Variants in USP3 observed in about 807,000 individuals in gnomAD.
USP3 encodes the protein ubiquitin carboxyl-terminal hydrolase 3.
Under a neutral mutation model 72.3 loss-of-function variants are expected in USP3, and 20 were observed. The observed-to-expected ratio is 0.28, with a 90% confidence interval of 0.19 to 0.40. The LOEUF (loss-of-function observed/expected upper bound fraction) is 0.40. Ranked by LOEUF, USP3 falls within the 10% of genes least tolerant of loss-of-function variation. The probability of loss-of-function intolerance (pLI) is 1.00; values close to 1 mark genes in which losing one functional copy is unlikely to be tolerated. For missense variants in USP3, 479 were observed against 633.9 expected, an observed-to-expected ratio of 0.76 and a Z score of 2.62; for synonymous variants, 222 against 225.3, an observed-to-expected ratio of 0.99 and a Z score of 0.13.
rs189620550 is a variant in USP3, at chr15:63,549,465, C to T, written c.285-4250C>T. The stretch of plus-strand genomic sequence containing the variant: ...ACTTGTGAAAACTTCTTATTATCAA[C>T]GTCAAATTCAGAGGGGCATCATATA... On this transcript the variant is annotated intron_variant, in intron 3 of 14. Coordinates refer to ENST00000380324, the MANE Select transcript of USP3 (RefSeq NM_006537.4). 3.9e-4 allele frequency among the ~76,000 whole-genome samples: 59 copies of T among 152,244 alleles called. 1 individual carries two copies. In the East Asian group the frequency reaches 0.01, roughly 26 times the overall value.
At chr15:63,581,393 G>A (rs1401092216) in intron 11 of USP3, among the ~76,000 whole-genome samples, 2 of 100,680 alleles carry the variant, frequency 2.0e-5, no homozygotes, top group Admixed American at 1.0e-4. Flanking sequence ...GTGTGTGTGT[G>A]TGTGTGTTTA....
At position 63,559,953 on chromosome 15, in the gene USP3, C is replaced by T. The variant is rs748929503; in HGVS notation, c.630C>T (p.Ser210=). The T allele has an allele frequency of 6.2e-7, 1 of 1,613,620 alleles. No homozygotes were observed. Among genetic ancestry groups the T allele is most frequent in the African/African-American group, 1.3e-5 (1 of 74,882 alleles). Residue 210 remains serine, a synonymous_variant, in exon 7 of 15, where the codon AGC becomes AGT. Transcript: ENST00000380324. ...TAGRRTYHTR[S]QGDNNVSLVE... ...GAAGGCGGACATACCACACCAGGAGCCAAGGGGATAACAATGTGTGAGTTA... is the reference window on the plus strand; with the variant it reads ...GAAGGCGGACATACCACACCAGGAGTCAAGGGGATAACAATGTGTGAGTTA...
At position 63,562,913 on chromosome 15, in the gene USP3, T is replaced by C. The variant is rs745509905; in HGVS notation, c.666T>C (p.Phe222=). Reference sequence around the variant, plus strand: ...TTTGCAGGTCTTTGGTAGAAGAGTTTAGAAAGACACTCTGTGCTTTATGGC... The same window carrying C: ...TTTGCAGGTCTTTGGTAGAAGAGTTCAGAAAGACACTCTGTGCTTTATGGC... ...GDNNVSLVEE[F]RKTLCALWQG... The change falls in exon 8 of 15, where the codon TTT becomes TTC. Residue 222 remains phenylalanine (F), a synonymous_variant. Transcript: ENST00000380324. The C allele has an allele frequency of 1.9e-6, 3 of 1,610,716 alleles. No homozygotes were observed. The highest frequency in any genetic ancestry group is 1.3e-5 in the African/African-American group (1 of 74,810).
rs1471791639 is a variant in USP3, at chr15:63,574,028, TGTG to T, written c.909-14_909-12del. On this transcript the variant is annotated splice_polypyrimidine_tract_variant and intron_variant, in intron 9 of 14. Transcript: ENST00000380324. This position sits in a 1 kb window ranked among gnomAD's most constrained non-coding sequence, Gnocchi z 4.6. ...GGCTTCTTACTGAGATATTTTCCTG[TGTG>T]GTGATTTTGTTTAGAAATGGAGCAT... The T allele has an allele frequency of 4.0e-6, 6 of 1,518,984 alleles. No homozygotes were observed. The African/African-American group carries it at 8.3e-5, about 21-fold the overall frequency. The allele number at this position is 1,518,984 out of a possible 1,614,324, so 94.1% of individuals were successfully genotyped here. A position where few individuals can be genotyped will look rare whatever the true frequency, so the allele number is the denominator to read the frequency against.
chr15:63,564,322 G>T (rs551258742), intron 8 of USP3, among the ~76,000 whole-genome samples: 6 of 152,076 alleles, frequency 3.9e-5, no homozygotes, highest in African/African-American at 1.4e-4. Context: ...GAGGAGAAGC[G>T]ACTTGTTTAA....
At chr15:63,586,838 T>TGAG (rs2067075157) in intron 11 of USP3, 1 of 151,994 alleles carries the variant, frequency 6.6e-6, no homozygotes. Flanking sequence ...CTCAAAGAAG[T>TGAG]GAGAATTGAA....
intron 2 of USP3, among the ~76,000 whole-genome samples, 159 bp from the exon 3 acceptor site, chr15:63,536,866 G>A (rs1317582120): frequency 6.6e-5 from 10 of 151,528 alleles, no homozygotes; most frequent in African/African-American, 2.2e-4. Flanking sequence ...AAAAAAAAAA[G>A]AGCATATTTT....
At chr15:63,512,353 C>CTCTTCTTCT (rs751934853) in intron 1 of USP3, among the ~76,000 whole-genome samples, 1 of 44,988 alleles carries the variant, frequency 2.2e-5, no homozygotes, top group African/African-American at 6.4e-5. Flanking sequence ...CCTCCTCTTC[C>CTCTTCTTCT]TCTTCTTCTT....
intron 1 of USP3, among the ~76,000 whole-genome samples, chr15:63,527,071 A>C (rs1174904480): frequency 6.6e-6 from 1 of 151,896 alleles, no homozygotes; most frequent in Non-Finnish European, 1.5e-5. Context: ...ATCTTTTTTT[A>C]TTTTTAGTAG....
In USP3 at chr15:63,532,633, T is replaced by C. The variant is rs1306037646; in HGVS notation, c.92-14T>C. ...TGATGCAATTGGTATATTGTGTATT[T>C]TTCTTTTTATTAGTGTGCCGGTCCA... is the stretch of plus-strand genomic sequence containing the variant. On this transcript the variant is annotated splice_polypyrimidine_tract_variant and intron_variant, in intron 1 of 14. Coordinates refer to ENST00000380324, the MANE Select transcript of USP3 (RefSeq NM_006537.4). 10 of 1,613,828 alleles carry C rather than the reference T, an allele frequency of 6.2e-6. No individual in the cohort carries two copies. Among genetic ancestry groups the C allele is most frequent in the Non-Finnish European group, 8.5e-6 (10 of 1,179,874 alleles).
chr15:63,567,341 AT>A (rs1276442905), intron 8 of USP3, among the ~76,000 whole-genome samples: 12,164 of 118,988 alleles, frequency 0.1, 487 homozygotes, highest in Non-Finnish European at 0.13. Flanking sequence ...TGCCTGGCTA[AT>A]TTTTTTTTTT....
intron 7 of USP3, among the ~76,000 whole-genome samples, chr15:63,562,606 C>G (rs1247687250): frequency 6.6e-6 from 1 of 152,074 alleles, no homozygotes; most frequent in African/African-American, 2.4e-5. Context: ...TATAACTCAC[C>G]CAGTGCTGTA....
At chr15:63,534,993 G>A (rs1595722358) in intron 2 of USP3, among the ~76,000 whole-genome samples, 1 of 152,172 alleles carries the variant, frequency 6.6e-6, no homozygotes, top group East Asian at 1.9e-4. Context: ...GTGGAGTGGG[G>A]TGATCTCGGC....
At chr15:63,525,422 C>G (rs1397228660) in intron 1 of USP3, among the ~76,000 whole-genome samples, 1 of 152,186 alleles carries the variant, frequency 6.6e-6, no homozygotes, top group African/African-American at 2.4e-5. Context: ...GGAACCTAAC[C>G]ATCCTCTTTC....
At chr15:63,537,210 C>T in intron 3 of USP3, 54 bp downstream of exon 3, 1 of 1,557,656 alleles carries the variant, frequency 6.4e-7, no homozygotes. Flanking sequence ...AGTGTGCTCT[C>T]CTCCCCTCCC....
At chr15:63,547,997 A>G (rs959032642) in intron 3 of USP3, among the ~76,000 whole-genome samples, 1 of 148,150 alleles carries the variant, frequency 6.7e-6, no homozygotes, top group African/African-American at 2.5e-5. Context: ...TGCAGTCCCA[A>G]CTACTTGGGA....
chr15:63,533,710 A>G (rs2066112155), intron 2 of USP3: 1 of 411,288 alleles, frequency 2.4e-6, no homozygotes, highest in South Asian at 2.2e-5. Context: ...GAGTCCTGGA[A>G]TTGAGTATTT....
chr15:63,516,115 T>G lies in USP3; in HGVS notation c.91+11285T>G, dbSNP rs554026167. ...TTTTCTTTCTTGTCCAACATTTTAT[T>G]TTTTCTTGAGTCAATAATTGCCTCT... On this transcript the variant is annotated intron_variant, in intron 1 of 14. Coordinates refer to ENST00000380324, the MANE Select transcript of USP3 (RefSeq NM_006537.4). Among the ~76,000 whole-genome samples, 25 of 152,370 alleles carry G rather than the reference T, an allele frequency of 1.6e-4. No individual in the cohort carries two copies. The South Asian group carries it at 5.0e-3, about 30-fold the overall frequency.
At chr15:63,534,919 T>TATTTATTTA (rs1412748148) in intron 2 of USP3, among the ~76,000 whole-genome samples, 5 of 150,880 alleles carry the variant, frequency 3.3e-5, no homozygotes, top group African/African-American at 1.2e-4. Flanking sequence ...TTTATTTGTT[T>TATTTATTTA]ATTTATTTAT....
Sources: allele counts gnomAD v4.1 joint callset (sites outside exome capture counted in the v4.1 genomes callset), GRCh38; gene constraint gnomAD v4.1.1; non-coding constraint Gnocchi (gnomAD v3.1); transcripts MANE v1.5; gene names NCBI Gene and HGNC (gene_info 2026-07-23, HGNC 2026-07-21).